IFNG-AS1: variants seen among roughly 807,000 people sequenced by gnomAD.
IFNG-AS1 encodes IFNG antisense RNA 1 (non-protein coding).
intron 3 of IFNG-AS1, among the ~76,000 whole-genome samples, chr12:68,008,600 T>G (rs949309785): frequency 6.6e-6 from 1 of 152,158 alleles, no homozygotes; most frequent in African/African-American, 2.4e-5. Context: ...TTCTTGTTCG[T>G]AGGATGGCTC....
At chr12:68,014,857 A>G (rs1880110954) in intron 3 of IFNG-AS1, among the ~76,000 whole-genome samples, 1 of 152,106 alleles carries the variant, frequency 6.6e-6, no homozygotes, top group Non-Finnish European at 1.5e-5. Context: ...ACCCTAATAC[A>G]TTAAGTTAAT....
chr12:67,994,126 A>T (rs1879579785), intron 1 of IFNG-AS1, among the ~76,000 whole-genome samples: 1 of 152,216 alleles, frequency 6.6e-6, no homozygotes, highest in South Asian at 2.1e-4. Flanking sequence ...TCATCATCAC[A>T]GGAGAGTTGT....
chr12:67,995,118 G>T (rs1352409904), intron 1 of IFNG-AS1, among the ~76,000 whole-genome samples: 3 of 152,096 alleles, frequency 2.0e-5, no homozygotes, highest in African/African-American at 4.8e-5. Context: ...TTGAGAGAAA[G>T]TGCCTTTTAG....
At chr12:67,989,998 A>G (rs1215964694) in intron 1 of IFNG-AS1, among the ~76,000 whole-genome samples, 1 of 152,112 alleles carries the variant, frequency 6.6e-6, no homozygotes, top group African/African-American at 2.4e-5. Flanking sequence ...AGAAAATGCC[A>G]TGGGCGCCGT....
At chr12:68,015,916 T>C (rs1449612171) in intron 3 of IFNG-AS1, among the ~76,000 whole-genome samples, 1 of 148,716 alleles carries the variant, frequency 6.7e-6, no homozygotes. Context: ...GTTTAGTGCC[T>C]CCATTTTCCT....
chr12:68,011,311 T>C (rs1880021078), intron 3 of IFNG-AS1, among the ~76,000 whole-genome samples: 1 of 152,230 alleles, frequency 6.6e-6, no homozygotes, highest in Admixed American at 6.5e-5. Context: ...AACTGTGGGT[T>C]GTGGTTCAAT....
chr12:68,018,301 G>C (rs12813391), intron 3 of IFNG-AS1, among the ~76,000 whole-genome samples: 1 of 152,106 alleles, frequency 6.6e-6, no homozygotes, highest in African/African-American at 2.4e-5. Flanking sequence ...CTAGTCTGTT[G>C]TTGTAGCTTG....
At chr12:68,020,866 T>A (rs889818582) in intron 4 of IFNG-AS1, 8 of 152,196 alleles carry the variant, frequency 5.3e-5, no homozygotes, top group African/African-American at 1.9e-4. Flanking sequence ...ACACATCCTC[T>A]AAAAGGTAGG....
In IFNG-AS1 at chr12:68,004,687, C is replaced by T. The variant is rs543997446; in HGVS notation, n.185-1403C>T. The stretch of plus-strand genomic sequence containing the variant: ...TTCCCTGGGCTTCTTAACACCAATA[C>T]GTCTGCTTGTCAAGGCTCAAAGAAC... On this transcript the variant is annotated intron_variant and non_coding_transcript_variant, in intron 2 of 5. Coordinates refer to ENST00000536914, the Ensembl canonical transcript of IFNG-AS1. Among the ~76,000 whole-genome samples, 8 of 152,288 alleles carry T rather than the reference C, an allele frequency of 5.3e-5. No individual in the cohort carries two copies. The South Asian group carries it at 6.2e-4, about 12-fold the overall frequency.
At chr12:67,995,540 G>A (rs1366266860) in intron 1 of IFNG-AS1, among the ~76,000 whole-genome samples, 1 of 151,540 alleles carries the variant, frequency 6.6e-6, no homozygotes, top group African/African-American at 2.4e-5. Flanking sequence ...GAATAACATG[G>A]TGAAACCCTG....
At chr12:68,009,637 G>T (rs1879980809) in intron 3 of IFNG-AS1, among the ~76,000 whole-genome samples, 2 of 152,128 alleles carry the variant, frequency 1.3e-5, no homozygotes, top group African/African-American at 4.8e-5. Context: ...CATTGTGCCT[G>T]GCCTGGAACA....
rs545625400 is a variant in IFNG-AS1, at chr12:68,011,902, T to C, written n.241+5756T>C. Among the ~76,000 whole-genome samples the C allele has an allele frequency of 3.3e-5, 5 of 152,346 alleles. No individual in the cohort carries two copies. In the East Asian group the frequency reaches 9.7e-4, roughly 29 times the overall value. On this transcript the variant is annotated intron_variant and non_coding_transcript_variant, in intron 3 of 5. Coordinates refer to ENST00000536914, the Ensembl canonical transcript of IFNG-AS1. ...GAGAAGCTTCTCCAGCAGATTCCAA[T>C]GCTGTTGCCTTTCAGTTTCCTGTTT...
At chr12:67,998,249 A>G (rs1453864579) in intron 2 of IFNG-AS1, among the ~76,000 whole-genome samples, 3 of 152,142 alleles carry the variant, frequency 2.0e-5, no homozygotes, top group African/African-American at 7.2e-5. Context: ...TCTGAACACA[A>G]GAGAGTAGTT....
chr12:67,995,705 G>A (rs1253790583), intron 1 of IFNG-AS1, among the ~76,000 whole-genome samples: 1 of 146,980 alleles, frequency 6.8e-6, no homozygotes, highest in Non-Finnish European at 1.5e-5. Flanking sequence ...CTGGGTGACA[G>A]AGTGAGACTC....
chr12:67,994,377 C>T (rs1331504932), intron 1 of IFNG-AS1, among the ~76,000 whole-genome samples: 3 of 152,216 alleles, frequency 2.0e-5, no homozygotes, highest in Non-Finnish European at 2.9e-5. Flanking sequence ...TATGGAGGTA[C>T]AGAAAGGAAG....
At chr12:67,995,678 C>T (rs1462867518) in intron 1 of IFNG-AS1, among the ~76,000 whole-genome samples, 11 of 143,590 alleles carry the variant, frequency 7.7e-5, no homozygotes, top group South Asian at 2.2e-4. Context: ...GCCAAGATTG[C>T]GCCACTGCAC....
At chr12:68,015,099 C>G (rs1880116608) in intron 3 of IFNG-AS1, among the ~76,000 whole-genome samples, 1 of 152,044 alleles carries the variant, frequency 6.6e-6, no homozygotes, top group Admixed American at 6.6e-5. Flanking sequence ...GAAAAAGCAC[C>G]TGGAGAAGAA....
chr12:67,993,828 ACT>A (rs1592818615), intron 1 of IFNG-AS1, among the ~76,000 whole-genome samples: 1 of 152,134 alleles, frequency 6.6e-6, no homozygotes, highest in East Asian at 1.9e-4. Context: ...CTTTTTGCAA[ACT>A]CTTTCTGAGT....
intron 3 of IFNG-AS1, among the ~76,000 whole-genome samples, chr12:68,009,174 TA>T (rs1238997172): frequency 7.9e-5 from 12 of 152,232 alleles, no homozygotes; most frequent in African/African-American, 2.9e-4. Flanking sequence ...ACAATATGTT[TA>T]AAATAATTAG....
Sources: gnomAD v4.1 joint callset for allele counts (sites outside exome capture counted in the v4.1 genomes callset) on GRCh38, gnomAD v4.1.1 for gene constraint, MANE v1.5 for transcripts, NCBI Gene and HGNC (gene_info 2026-07-23, HGNC 2026-07-21) for gene names.